UGT2B4: variants seen among roughly 807,000 people sequenced by gnomAD.
UGT2B4 encodes UDP glucuronosyltransferase family 2 member B4.
Under a neutral mutation model 49.8 loss-of-function variants are expected in UGT2B4, and 49 were observed. The ratio of observed to expected loss-of-function variants is 0.98; its 90% CI spans 0.78 to 1.25. The LOEUF (loss-of-function observed/expected upper bound fraction) is 1.25, where lower values mean the gene tolerates loss of function less well. Ranked by LOEUF, UGT2B4 falls within the 50% of genes most tolerant of loss-of-function variation. The pLI, the probability that UGT2B4 is intolerant of heterozygous loss-of-function variation, is 0.00. For synonymous variants in UGT2B4, 246 were observed against 217.7 expected (o/e 1.13, Z -1.14); for missense variants, 729 against 627.7 (o/e 1.16, Z -1.73).
At chr4:69,499,604 T>C (rs1728249290), upstream of UGT2B4, among the ~76,000 whole-genome samples, 1 of 152,222 alleles carries the variant, frequency 6.6e-6, no homozygotes, top group African/African-American at 2.4e-5. Context: ...TTGAACCCTT[T>C]ACCATTATGT....
upstream of UGT2B4, among the ~76,000 whole-genome samples, chr4:69,500,670 G>GAAAAAGA (rs1560438465): frequency 1.6e-5 from 1 of 62,820 alleles, no homozygotes; most frequent in Non-Finnish European, 4.0e-5. Flanking sequence ...AGAAAGAAAG[G>GAAAAAGA]AAGGAAAGAA....
Position 69,485,326 on chromosome 4 carries a change from C to T in UGT2B4, c.1192G>A (p.Asp398Asn). 6.2e-7 allele frequency: 1 copy of T among 1,614,064 alleles called. No homozygotes were observed. The highest frequency in any genetic ancestry group is 8.5e-7 in the Non-Finnish European group (1 of 1,179,956). ...ATGTGTGCAATGTTATCAGGTTGAT[C>T]TGCAAACAATGGAACGCCCACCATA... ...IPMVGVPLFA[D>N]QPDNIAHMKA... Residue 398 changes from aspartate to asparagine, a missense_variant, in exon 5 of 6, where the codon GAT (aspartate) becomes AAT (asparagine). Asp to Asn is a conservative substitution (Grantham distance 23). Transcript: ENST00000305107.
intron 4 of UGT2B4, among the ~76,000 whole-genome samples, chr4:69,485,943 T>C (rs148395791): frequency 1.3e-5 from 2 of 152,032 alleles, no homozygotes; most frequent in Non-Finnish European, 2.9e-5. Flanking sequence ...TGTATTTTAA[T>C]AGAGACAGAG....
At chr4:69,488,471 T>C (rs1345583389) in intron 3 of UGT2B4, among the ~76,000 whole-genome samples, 2 of 152,154 alleles carry the variant, frequency 1.3e-5, no homozygotes, top group South Asian at 4.1e-4. Context: ...TTTGAGTTTT[T>C]GGCAAAATAT....
upstream of UGT2B4, among the ~76,000 whole-genome samples, chr4:69,500,626 A>C (rs144898245): frequency 0.08 from 6,857 of 86,188 alleles, 270 homozygotes; most frequent in East Asian, 0.3. Context: ...AGAAAGAAAG[A>C]AAGAAAGAAA....
intron 5 of UGT2B4, among the ~76,000 whole-genome samples, chr4:69,482,253 G>A (rs926527640): frequency 2.6e-5 from 4 of 152,108 alleles, no homozygotes; most frequent in African/African-American, 9.7e-5. Context: ...GAACCCCTAG[G>A]ATTTCCTCTA....
intron 2 of UGT2B4, among the ~76,000 whole-genome samples, chr4:69,490,013 C>G (rs562580283): frequency 1.3e-5 from 2 of 152,188 alleles, no homozygotes; most frequent in South Asian, 2.1e-4. Flanking sequence ...TGGTTGACTT[C>G]CCTGACTCTG....
chr4:69,519,053 C>T (rs1358824799), intron 1 of UGT2B4, among the ~76,000 whole-genome samples: 4 of 152,258 alleles, frequency 2.6e-5, no homozygotes, highest in Admixed American at 2.6e-4. Context: ...TGGTAATCTT[C>T]CCAGTGGGTA....
chr4:69,492,275 G>A (rs534198079), intron 2 of UGT2B4, among the ~76,000 whole-genome samples: 4 of 152,130 alleles, frequency 2.6e-5, no homozygotes, highest in African/African-American at 7.2e-5. Flanking sequence ...CTCTAATAGG[G>A]TATGTTTATG....
intron 3 of UGT2B4, among the ~76,000 whole-genome samples, chr4:69,487,431 A>C (rs1727826592): frequency 6.6e-6 from 1 of 152,210 alleles, no homozygotes; most frequent in African/African-American, 2.4e-5. Context: ...GAACAAGATC[A>C]TGTATTTTTC....
chr4:69,497,511 C>A (rs1182935679), upstream of UGT2B4, among the ~76,000 whole-genome samples: 1 of 152,094 alleles, frequency 6.6e-6, no homozygotes, highest in African/African-American at 2.4e-5. Flanking sequence ...AACCTGTTGG[C>A]CCTATAACAA....
rs13119049 is a variant in UGT2B4 at position 69,480,847 on chromosome 4, A to T, written c.1374T>A (p.Asp458Glu). The change falls in exon 6 of 6, where the codon GAT (aspartate) becomes GAA (glutamate). Residue 458 changes from aspartate to glutamate, a missense_variant. Transcript: ENST00000305107. ...IHHDQPVKPL[D>E]RAVFWIEFVM... ...CAAATTCAATCCAGAAGACTGCTCG[A>T]TCAAGGGGCTTCACTGGTTGATCAT... 365,447 of 1,613,560 alleles carry T rather than the reference A, an allele frequency of 0.23. 44,666 individuals carry two copies. Among genetic ancestry groups the T allele is most frequent in the Admixed American group, 0.27 (16,203 of 59,958 alleles).
At chr4:69,505,767 C>G (rs1435401990) in intron 1 of UGT2B4, among the ~76,000 whole-genome samples, 2 of 152,134 alleles carry the variant, frequency 1.3e-5, no homozygotes, top group African/African-American at 4.8e-5. Context: ...ATACATTTTT[C>G]TCATTGCCAC....
At chr4:69,504,611 T>A (rs1728424077) in intron 1 of UGT2B4, among the ~76,000 whole-genome samples, 1 of 152,116 alleles carries the variant, frequency 6.6e-6, no homozygotes, top group South Asian at 2.1e-4. Flanking sequence ...GTAAAGAGAC[T>A]AAATCTACAA....
rs756048821 is a variant in UGT2B4 at position 69,495,396 on chromosome 4, A to AG, written c.465dup (p.Phe156LeufsTer3). On this transcript the variant is annotated frameshift_variant, in exon 1 of 6. Transcript: ENST00000305107. LOFTEE classifies it high-confidence loss of function. Reference sequence around the variant, plus strand: ...AGTAACTCGGCCAGCAGCTCACCAAAGGGGAAAACAGCATCTGCAAGAACA... The same window carrying AG: ...AGTAACTCGGCCAGCAGCTCACCAAAGGGGGAAAACAGCATCTGCAAGAACA... 6.2e-7 allele frequency: 1 copy of AG among 1,614,004 alleles called. No homozygotes were observed. Among genetic ancestry groups the AG allele is most frequent in the South Asian group, 1.1e-5 (1 of 91,076 alleles).
intron 1 of UGT2B4, among the ~76,000 whole-genome samples, chr4:69,505,405 A>G (rs1728442453): frequency 1.3e-5 from 2 of 152,220 alleles, no homozygotes; most frequent in Admixed American, 6.5e-5. Context: ...AAAAACAGAA[A>G]AAAACCATAT....
intron 1 of UGT2B4, among the ~76,000 whole-genome samples, chr4:69,513,370 G>A (rs1728654180): frequency 6.6e-6 from 1 of 152,006 alleles, no homozygotes; most frequent in Non-Finnish European, 1.5e-5. Flanking sequence ...ATTTTGTCAA[G>A]TTTGTGGAAG....
chr4:69,516,463 T>C (rs1728736073), intron 1 of UGT2B4, among the ~76,000 whole-genome samples: 1 of 152,162 alleles, frequency 6.6e-6, no homozygotes. Context: ...TATAAAAGTG[T>C]TCCTTTTTCT....
chr4:69,487,930 A>G (rs971934863), intron 3 of UGT2B4, among the ~76,000 whole-genome samples: 1 of 151,828 alleles, frequency 6.6e-6, no homozygotes, highest in Non-Finnish European at 1.5e-5. Flanking sequence ...CATTTTTTTG[A>G]GTAATATGGG....
Sources: allele counts gnomAD v4.1 joint callset (sites outside exome capture counted in the v4.1 genomes callset), GRCh38; gene constraint gnomAD v4.1.1; transcripts MANE v1.5; gene names NCBI Gene and HGNC (gene_info 2026-07-23, HGNC 2026-07-21).